GJA3: variants seen among roughly 807,000 people sequenced by gnomAD.
The protein encoded by GJA3 is gap junction alpha-3 protein.
For missense variants in GJA3, 571 were observed against 620.3 expected, an observed-to-expected ratio of 0.92 and a Z score of 0.84; for synonymous variants, 297 against 292.6, an observed-to-expected ratio of 1.02 and a Z score of -0.15.
Position 20,151,685 on chromosome 13 carries a change from C to T in GJA3, c.-17-8380G>A, listed in dbSNP as rs142026230. 3.0e-3 allele frequency among the ~76,000 whole-genome samples: 458 copies of T among 152,092 alleles called. 9 individuals carry two copies. In the South Asian group the frequency reaches 0.047, roughly 16 times the overall value. On this transcript the variant is annotated intron_variant, in intron 1 of 1. Transcript: ENST00000241125. ...GGGCATCCCTCGTGGGCTCAAGGGA[C>T]GGCGAGGATGGATTACTTGAGCTCA...
chr13:20,159,364 A>G (rs1399860366), intron 1 of GJA3, among the ~76,000 whole-genome samples: 1 of 142,670 alleles, frequency 7.0e-6, no homozygotes, highest in African/African-American at 2.6e-5. Context: ...GCATGGTGGT[A>G]GACGCCTGTA....
chr13:20,143,634 G>C (rs1958826645), intron 1 of GJA3, among the ~76,000 whole-genome samples: 1 of 152,244 alleles, frequency 6.6e-6, no homozygotes, highest in African/African-American at 2.4e-5. Context: ...GGCCCCTTAG[G>C]CCACTTCTGA....
intron 1 of GJA3, among the ~76,000 whole-genome samples, chr13:20,157,002 T>G (rs1393549111): frequency 6.6e-6 from 1 of 152,256 alleles, no homozygotes; most frequent in Non-Finnish European, 1.5e-5. Context: ...AAGGGCATTG[T>G]AAGTTTTAAT....
At chr13:20,151,405 A>G (rs956968288) in intron 1 of GJA3, among the ~76,000 whole-genome samples, 8 of 152,160 alleles carry the variant, frequency 5.3e-5, no homozygotes, top group African/African-American at 1.9e-4. Context: ...GTGCTCCCCA[A>G]AGGGGTGCCT....
At chr13:20,155,350 G>A (rs1030498321) in intron 1 of GJA3, among the ~76,000 whole-genome samples, 2 of 152,148 alleles carry the variant, frequency 1.3e-5, no homozygotes, top group Non-Finnish European at 1.5e-5. Context: ...AGAAGAGTTT[G>A]GGACTAATGT....
At chr13:20,146,775 A>C (rs1958845046) in intron 1 of GJA3, among the ~76,000 whole-genome samples, 1 of 152,270 alleles carries the variant, frequency 6.6e-6, no homozygotes, top group Non-Finnish European at 1.5e-5. Context: ...CTAAGGAAAT[A>C]ATCAGAGACT....
At chr13:20,154,542 C>T (rs1958897387) in intron 1 of GJA3, among the ~76,000 whole-genome samples, 2 of 152,042 alleles carry the variant, frequency 1.3e-5, no homozygotes, top group South Asian at 4.1e-4. Flanking sequence ...AGTCTAATAC[C>T]TGTTATTTCT....
At chr13:20,160,433 T>G (rs1322899214) in intron 1 of GJA3, among the ~76,000 whole-genome samples, 4 of 152,156 alleles carry the variant, frequency 2.6e-5, no homozygotes, top group Non-Finnish European at 5.9e-5. Flanking sequence ...GACGGCTGGG[T>G]GCGCGCCGTT....
rs1958823544 is a variant in GJA3, at chr13:20,143,232, C to G, written c.57G>C (p.Thr19=). 1 of 1,560,516 alleles carries G rather than the reference C, an allele frequency of 6.4e-7. No homozygotes were observed. Among genetic ancestry groups the G allele is most frequent in the African/African-American group, 1.4e-5 (1 of 73,842 alleles). ...RLLENAQEHS[T]VIGKVWLTVL... ...CGGTCAGCCAAACCTTGCCGATGAC[C>G]GTGGAGTGCTCCTGTGCATTTTCTA... Residue 19 remains threonine, a synonymous_variant, in exon 2 of 2, where the codon ACG becomes ACC. Transcript: ENST00000241125.
In GJA3 at chr13:20,143,103, C is replaced by G. The variant is rs1201232439; in HGVS notation, c.186G>C (p.Glu62Asp). 3 of 1,613,834 alleles carry G rather than the reference C, an allele frequency of 1.9e-6. No homozygotes were observed. In the African/African-American group the frequency reaches 4.0e-5, roughly 22 times the overall value. The change falls in exon 2 of 2, where the codon GAG (glutamate) becomes GAC (aspartate). Residue 62 changes from glutamate (E) to aspartate (D), a missense_variant. By Grantham distance (45) the Glu-to-Asp change is conservative. Transcript: ENST00000241125. ...GGAAGGCCCTGTCGTAGCAGACGTTCTCGCAGCCCGGCTGCTGGGTGTTGC... is the reference window on the plus strand; with the variant it reads ...GGAAGGCCCTGTCGTAGCAGACGTTGTCGCAGCCCGGCTGCTGGGTGTTGC... The part of the protein sequence containing the change: ...FTCNTQQPGC[E>D]NVCYDRAFPI...
chr13:20,143,071 G>C lies in GJA3; in HGVS notation c.218C>G (p.Ser73Cys). ...NVCYDRAFPI[S>C]HIRFWALQII... ...CTGCAGCGCCCAGAAGCGGATGTGG[G>C]AGATGGGGAAGGCCCTGTCGTAGCA... is the stretch of plus-strand genomic sequence containing the variant. The change falls in exon 2 of 2, where the codon TCC becomes TGC. Residue 73 changes from serine to cysteine, a missense_variant. Coordinates refer to ENST00000241125, the MANE Select transcript of GJA3 (RefSeq NM_021954.4). The C allele has an allele frequency of 6.2e-7, 1 of 1,613,992 alleles. No homozygotes were observed.
intron 1 of GJA3, among the ~76,000 whole-genome samples, chr13:20,158,912 C>CA (rs1159654355): frequency 0.14 from 7,652 of 54,812 alleles, 360 homozygotes; most frequent in African/African-American, 0.2. Flanking sequence ...GCAAAACTCT[C>CA]AAAAAAAAAA....
At chr13:20,149,111 C>T (rs565624960) in intron 1 of GJA3, among the ~76,000 whole-genome samples, 3 of 152,312 alleles carry the variant, frequency 2.0e-5, no homozygotes, top group East Asian at 1.9e-4. Context: ...AGATCCATTG[C>T]ATTTTCCCTC....
At chr13:20,156,891 A>C (rs1472802884) in intron 1 of GJA3, among the ~76,000 whole-genome samples, 2 of 152,202 alleles carry the variant, frequency 1.3e-5, no homozygotes, top group African/African-American at 4.8e-5. Flanking sequence ...ATTAGAAACA[A>C]CTGCCTGCCA....
chr13:20,159,094 A>C (rs1410113408), intron 1 of GJA3, among the ~76,000 whole-genome samples: 1 of 152,058 alleles, frequency 6.6e-6, no homozygotes, highest in East Asian at 1.9e-4. Flanking sequence ...TTTTTTAGAG[A>C]CATATATGCT....
Position 20,142,291 on chromosome 13 carries a change from G to A in GJA3, c.998C>T (p.Ala333Val), listed in dbSNP as rs1488722106. Residue 333 changes from alanine (A) to valine (V), a missense_variant, in exon 2 of 2, where the codon GCC (alanine) becomes GTC (valine). Transcript: ENST00000241125. ...CTTGAGCGCCGGGGGCTGCCGCTCG[G>A]CCGCCTGGTTGGCCCAGTTCTGCTC... Reference protein sequence around the residue: ...MTEQNWANQAAERQPPALKAY... With the variant: ...MTEQNWANQAVERQPPALKAY... 1.9e-6 allele frequency: 3 copies of A among 1,568,690 alleles called. No homozygotes were observed. The highest frequency in any genetic ancestry group is 1.4e-5 in the African/African-American group (1 of 72,310).
In GJA3 at chr13:20,142,742, G is replaced by C. The variant is rs750048015; in HGVS notation, c.547C>G (p.Arg183Gly). 2 of 1,613,792 alleles carry C rather than the reference G, an allele frequency of 1.2e-6. No homozygotes were observed. Among genetic ancestry groups the C allele is most frequent in the Non-Finnish European group, 1.7e-6 (2 of 1,179,954 alleles). Residue 183 changes from arginine (R) to glycine (G), a missense_variant, in exon 2 of 2, where the codon CGC (arginine) becomes GGC (glycine). Physicochemically the swap from Arg to Gly is moderately radical, Grantham distance 125 (BLOSUM62 -2). Coordinates refer to ENST00000241125, the MANE Select transcript of GJA3 (RefSeq NM_021954.4). ...TCCACCGTGTTGGGGCAGGGCCAGC[G>C]GTCGCAGCGGTAGAGCGGCTTCAGC... ...FELKPLYRCD[R>G]WPCPNTVDCF...
chr13:20,147,692 T>C (rs138335055), intron 1 of GJA3, among the ~76,000 whole-genome samples: 41 of 152,362 alleles, frequency 2.7e-4, no homozygotes, highest in African/African-American at 9.6e-4. Context: ...TCATAAAAGA[T>C]AGATGACCAT....
chr13:20,145,923 T>C lies in GJA3; in HGVS notation c.-17-2618A>G, dbSNP rs148573114. Among the ~76,000 whole-genome samples, 632 of 152,192 alleles carry C rather than the reference T, an allele frequency of 4.2e-3. 3 individuals are homozygous for C. The highest frequency in any genetic ancestry group is 0.014 in the African/African-American group (595 of 41,520). ...CCTCCCACAGCCCCACCTGCCAAGC[T>C]TTCCCGGGCAAGAGCAGCCTCTGGG... On this transcript the variant is annotated intron_variant, in intron 1 of 1. Transcript: ENST00000241125.
Sources: allele counts gnomAD v4.1 joint callset (sites outside exome capture counted in the v4.1 genomes callset), GRCh38; gene constraint gnomAD v4.1.1; transcripts MANE v1.5; gene names NCBI Gene and HGNC (gene_info 2026-07-23, HGNC 2026-07-21).